KLF17: variants seen among roughly 807,000 people sequenced by gnomAD.
KLF17 encodes the protein KLF transcription factor 17.
In KLF17, 31 loss-of-function variants were observed where a neutral mutation model predicts 34.2. That is an observed-to-expected ratio of 0.91 (90% CI 0.68 to 1.22). KLF17 has a LOEUF of 1.22. Among genes scored for constraint, KLF17 ranks in the 50% most tolerant of loss-of-function variants. The probability of loss-of-function intolerance (pLI) is 0.00; values close to 1 mark genes in which losing one functional copy is unlikely to be tolerated. For missense variants in KLF17, 478 were observed against 505.2 expected (o/e 0.95, Z 0.52); for synonymous variants, 179 against 186.7 (o/e 0.96, Z 0.34).
chr1:44,065,063 C>T, the KLF17 span, among the ~76,000 whole-genome samples: 3 of 151,822 alleles, frequency 2.0e-5, no homozygotes, highest in East Asian at 1.9e-4. Context: ...CTGAGGCGGG[C>T]GGATCACGAG....
At chr1:44,112,300 T>G in the KLF17 span, among the ~76,000 whole-genome samples, 60 of 152,364 alleles carry the variant, frequency 3.9e-4, no homozygotes, top group African/African-American at 1.4e-3. Context: ...AACCTGGCTC[T>G]GACTTTTTCT....
At chr1:44,069,221 GC>G in the KLF17 span, among the ~76,000 whole-genome samples, 1 of 152,172 alleles carries the variant, frequency 6.6e-6, no homozygotes, top group Admixed American at 6.5e-5. The surrounding 1 kb of genome is among the most constrained non-coding windows in gnomAD (Gnocchi z 4.7). Flanking sequence ...TGGGAGGAGG[GC>G]TTTCCTGGGC....
chr1:44,098,777 C>T, the KLF17 span, among the ~76,000 whole-genome samples: 3 of 151,996 alleles, frequency 2.0e-5, no homozygotes, highest in East Asian at 5.8e-4. Flanking sequence ...GTCTTGATCT[C>T]CTGACCTTGT....
chr1:44,108,266 T>C, the KLF17 span, among the ~76,000 whole-genome samples: 1 of 152,234 alleles, frequency 6.6e-6, no homozygotes, highest in Non-Finnish European at 1.5e-5. Flanking sequence ...GAATTAGCAA[T>C]AGAATCTCAC....
At chr1:44,106,277 C>T in the KLF17 span, among the ~76,000 whole-genome samples, 1 of 152,290 alleles carries the variant, frequency 6.6e-6, no homozygotes, top group East Asian at 1.9e-4. Context: ...CTCTGTCCCT[C>T]TGTCCATCCT....
At chr1:44,106,634 C>A in the KLF17 span, 2 of 152,170 alleles carry the variant, frequency 1.3e-5, no homozygotes, top group Non-Finnish European at 2.9e-5. Flanking sequence ...TCAGATATAA[C>A]TTATTCACTG....
the KLF17 span, among the ~76,000 whole-genome samples, chr1:44,090,308 A>T: frequency 1.1e-5 from 1 of 93,378 alleles, no homozygotes; most frequent in Non-Finnish European, 2.3e-5. Flanking sequence ...TGTCTCTACA[A>T]AAAAAAAAAA....
At chr1:44,051,411 A>C in the KLF17 span, 1 of 152,288 alleles carries the variant, frequency 6.6e-6, no homozygotes, top group Admixed American at 6.5e-5. Context: ...AGCTGAGCAC[A>C]TCCAAGCTGG....
chr1:44,106,283 A>G, the KLF17 span, among the ~76,000 whole-genome samples: 1 of 152,040 alleles, frequency 6.6e-6, no homozygotes, highest in Non-Finnish European at 1.5e-5. Context: ...CCCTCTGTCC[A>G]TCCTCAGATT....
the KLF17 span, among the ~76,000 whole-genome samples, chr1:44,084,138 C>T: frequency 1.3e-5 from 2 of 152,306 alleles, no homozygotes; most frequent in South Asian, 4.1e-4. Flanking sequence ...TTGCATGTGC[C>T]TGTACACAAT....
the KLF17 span, among the ~76,000 whole-genome samples, chr1:44,102,559 TACACATACACACACACACACACACAC>T: frequency 1.0e-4 from 9 of 87,724 alleles, no homozygotes; most frequent in South Asian, 1.3e-3. Context: ...ATCACACACA[TACACATACACACACACACACACACAC>T]ACACACACAC....
chr1:44,098,371 G>C, the KLF17 span, among the ~76,000 whole-genome samples: 1 of 151,544 alleles, frequency 6.6e-6, no homozygotes, highest in Non-Finnish European at 1.5e-5. Flanking sequence ...TCTATCTAAA[G>C]GGTTGTTAAT....
the KLF17 span, among the ~76,000 whole-genome samples, chr1:44,085,832 A>T: frequency 1.4e-5 from 2 of 145,130 alleles, no homozygotes; most frequent in African/African-American, 2.5e-5. Context: ...AAAAAAAAAA[A>T]GGAGAGAGAG....
At chr1:44,127,614 CT>C (rs61411252) in intron 1 of KLF17, among the ~76,000 whole-genome samples, 118 of 66,944 alleles carry the variant, frequency 1.8e-3, no homozygotes, top group Admixed American at 2.3e-3. Context: ...TTCTTTCTTT[CT>C]TTTCTTTTCT....
At chr1:44,103,171 C>A in the KLF17 span, 1 of 568,960 alleles carries the variant, frequency 1.8e-6, no homozygotes, top group Non-Finnish European at 3.1e-6. Flanking sequence ...GTAAACTCCT[C>A]CGCAGGTGGG....
chr1:44,085,096 ATATATATATGTGTGTG>A, the KLF17 span, among the ~76,000 whole-genome samples: 122 of 151,398 alleles, frequency 8.1e-4, no homozygotes, highest in Middle Eastern at 3.5e-3. Context: ...ATATATATGT[ATATATATATGTGTGTG>A]TATATATATG....
upstream of KLF17, among the ~76,000 whole-genome samples, chr1:44,118,235 G>T (rs142652109): frequency 2.9e-3 from 448 of 152,306 alleles, 4 homozygotes; most frequent in African/African-American, 1.0e-2. Flanking sequence ...GAAATTGACA[G>T]CAAGGACTTT....
At chr1:44,064,694 G>C in the KLF17 span, among the ~76,000 whole-genome samples, 1 of 152,164 alleles carries the variant, frequency 6.6e-6, no homozygotes, top group East Asian at 1.9e-4. Flanking sequence ...TGAATTTATT[G>C]TTAATATCTG....
intron 1 of KLF17, among the ~76,000 whole-genome samples, chr1:44,129,084 T>G (rs977377035): frequency 6.6e-6 from 1 of 152,122 alleles, no homozygotes; most frequent in Middle Eastern, 3.4e-3. Flanking sequence ...TTATGGACTG[T>G]TTTATTTGCT....
Sources: gnomAD v4.1 joint callset for allele counts (sites outside exome capture counted in the v4.1 genomes callset) on GRCh38, gnomAD v4.1.1 for gene constraint, Gnocchi (gnomAD v3.1) non-coding constraint, MANE v1.5 for transcripts, NCBI Gene and HGNC (gene_info 2026-07-23, HGNC 2026-07-21) for gene names.